Variants in RUNX1 observed in about 807,000 individuals in gnomAD.
The protein encoded by RUNX1 is runt-related transcription factor 1.
In RUNX1, 19 loss-of-function variants were observed where a neutral mutation model predicts 42.8. The observed-to-expected ratio is 0.44, with a 90% CI of 0.31 to 0.65. RUNX1 has a LOEUF of 0.65. Ranked by LOEUF, RUNX1 falls within the 30% of genes least tolerant of loss-of-function variation. The pLI is 0.07. For missense variants in RUNX1, 528 were observed against 672.0 expected (o/e 0.79, Z 2.37); for synonymous variants, 271 against 289.4 (o/e 0.94, Z 0.64).
At chr21:34,830,595 GCCCAGGGAACGGCCAT>G (rs1569033335) in intron 7 of RUNX1, among the ~76,000 whole-genome samples, 1 of 152,138 alleles carries the variant, frequency 6.6e-6, no homozygotes, top group Non-Finnish European at 1.5e-5. Flanking sequence ...AAGAGTGCAC[GCCCAGGGAACGGCCAT>G]CCCACTTGCA....
chr21:34,929,287 C>T (rs1397563200), intron 2 of RUNX1, among the ~76,000 whole-genome samples: 4 of 152,098 alleles, frequency 2.6e-5, no homozygotes, highest in Non-Finnish European at 5.9e-5. Context: ...GTAGAATGGA[C>T]CACTGTAAGG....
intron 2 of RUNX1, among the ~76,000 whole-genome samples, chr21:34,997,666 A>G (rs1284377342): frequency 6.6e-6 from 1 of 151,744 alleles, no homozygotes; most frequent in Non-Finnish European, 1.5e-5. Flanking sequence ...ACGTCTTACC[A>G]GGCTGAAGAG....
intron 7 of RUNX1, among the ~76,000 whole-genome samples, chr21:34,802,265 C>T (rs2056617988): frequency 6.6e-6 from 1 of 152,202 alleles, no homozygotes. Context: ...AGAGTTGCCT[C>T]TGATAAGTCA....
intron 2 of RUNX1, among the ~76,000 whole-genome samples, chr21:34,984,516 T>C (rs947671496): frequency 6.6e-6 from 1 of 151,896 alleles, no homozygotes; most frequent in African/African-American, 2.4e-5. Flanking sequence ...GGAGGAAAAA[T>C]GGTTTGAGAT....
chr21:34,891,577 G>A (rs1025371209), intron 3 of RUNX1, among the ~76,000 whole-genome samples: 6 of 151,984 alleles, frequency 3.9e-5, no homozygotes, highest in Admixed American at 3.3e-4. Context: ...CACCAAGAGC[G>A]CTCATTTTAG....
At chr21:34,793,489 C>T (rs1051470373) in intron 8 of RUNX1, among the ~76,000 whole-genome samples, 1 of 151,852 alleles carries the variant, frequency 6.6e-6, no homozygotes, top group African/African-American at 2.4e-5. Context: ...GGTAAGAATG[C>T]ATTTTACATT....
At chr21:34,930,270 G>GTGTATATATATATATATATA (rs372412304) in intron 2 of RUNX1, among the ~76,000 whole-genome samples, 8 of 122,968 alleles carry the variant, frequency 6.5e-5, no homozygotes, top group African/African-American at 1.9e-4. Flanking sequence ...GTGTGTGTAT[G>GTGTATATATATATATATATA]TATATATATA....
chr21:34,934,263 T>A (rs547103293), intron 2 of RUNX1, among the ~76,000 whole-genome samples: 1 of 152,124 alleles, frequency 6.6e-6, no homozygotes, highest in Non-Finnish European at 1.5e-5. Flanking sequence ...AGTCAAGTTT[T>A]TTTTTAATTT....
chr21:34,818,163 G>C (rs1422789896), intron 7 of RUNX1, among the ~76,000 whole-genome samples: 1 of 152,194 alleles, frequency 6.6e-6, no homozygotes. Flanking sequence ...TGCTGGGGTG[G>C]GGTGGGGGCT....
chr21:35,005,666 G>C (rs2059078971), intron 2 of RUNX1, among the ~76,000 whole-genome samples: 1 of 152,120 alleles, frequency 6.6e-6, no homozygotes, highest in Non-Finnish European at 1.5e-5. Context: ...GACCGACCCT[G>C]ATATACCTGC....
intron 7 of RUNX1, among the ~76,000 whole-genome samples, chr21:34,812,237 C>T (rs897616135): frequency 6.6e-6 from 1 of 152,110 alleles, no homozygotes; most frequent in Admixed American, 6.5e-5. Flanking sequence ...TCCCCTGCTG[C>T]AGTCTTCTCC....
At chr21:34,975,015 A>G (rs1409432475) in intron 2 of RUNX1, among the ~76,000 whole-genome samples, 1 of 152,088 alleles carries the variant, frequency 6.6e-6, no homozygotes, top group Non-Finnish European at 1.5e-5. Context: ...ATGCTAAAAG[A>G]GAAGGCAAGC....
chr21:34,905,751 T>C (rs2058212930), intron 2 of RUNX1, among the ~76,000 whole-genome samples: 1 of 152,204 alleles, frequency 6.6e-6, no homozygotes, highest in Admixed American at 6.5e-5. Flanking sequence ...AATACTTCCT[T>C]GGTTTTTACT....
rs150540420 is a variant in RUNX1 at position 35,004,556 on chromosome 21, T to G, written c.58+44286A>C. Among the ~76,000 whole-genome samples, 93 of 152,302 alleles carry G rather than the reference T, an allele frequency of 6.1e-4. 2 individuals carry two copies. The East Asian group carries it at 0.016, about 26-fold the overall frequency. ...GTAAAGTCACAGATAAAGCTTACAC[T>G]AGAACCTGGGAACTTTGATCCTGTT... On this transcript the variant is annotated intron_variant, in intron 2 of 8. Coordinates refer to ENST00000675419, the MANE Select transcript of RUNX1 (RefSeq NM_001754.5).
intron 7 of RUNX1, 60 bp downstream of exon 7, chr21:34,834,350 A>G (rs772729839): frequency 6.4e-7 from 1 of 1,550,666 alleles, no homozygotes; most frequent in Admixed American, 1.7e-5. Flanking sequence ...CATGGGGGCC[A>G]GTTGTGGGTG....
At chr21:34,929,596 T>C (rs73900585) in intron 2 of RUNX1, among the ~76,000 whole-genome samples, 1 of 152,206 alleles carries the variant, frequency 6.6e-6, no homozygotes, top group Non-Finnish European at 1.5e-5. Context: ...AACATGACAC[T>C]GGAGACTGGC....
chr21:34,818,266 T>C (rs1237695611), intron 7 of RUNX1, among the ~76,000 whole-genome samples: 1 of 152,246 alleles, frequency 6.6e-6, no homozygotes, highest in Non-Finnish European at 1.5e-5. Context: ...GAGCTCCTTG[T>C]TCTGCAGTAG....
chr21:34,999,715 G>C (rs760414224), intron 2 of RUNX1, among the ~76,000 whole-genome samples: 3 of 152,162 alleles, frequency 2.0e-5, no homozygotes, highest in Admixed American at 6.5e-5. Flanking sequence ...TTCAGCCCAC[G>C]GAAAGCACAT....
intron 2 of RUNX1, among the ~76,000 whole-genome samples, chr21:35,025,418 C>G (rs9981422): frequency 0.018 from 2,741 of 152,262 alleles, 98 homozygotes; most frequent in African/African-American, 0.063. Flanking sequence ...GCTCCTCCCC[C>G]AGACGTTCCG....
Sources: gnomAD v4.1 joint callset for allele counts (sites outside exome capture counted in the v4.1 genomes callset) on GRCh38, gnomAD v4.1.1 for gene constraint, MANE v1.5 for transcripts, NCBI Gene and HGNC (gene_info 2026-07-23, HGNC 2026-07-21) for gene names.